The following ANKRD11 variants were observed in gnomAD, a reference collection of about 807,000 sequenced individuals.
ANKRD11 encodes the protein ankyrin repeat domain 11, also known as ankyrin repeat domain-containing protein 11.
In ANKRD11, 17 loss-of-function variants were observed where a neutral mutation model predicts 195.7. That is an observed-to-expected ratio of 0.09 (90% confidence interval 0.06 to 0.13). The LOEUF (loss-of-function observed/expected upper bound fraction) is 0.13, where lower values mean the gene tolerates loss of function less well. Among genes scored for constraint, ANKRD11 ranks in the 10% least tolerant of loss-of-function variants. The pLI is 1.00. For synonymous variants in ANKRD11, 1,953 were observed against 1,528.1 expected (o/e 1.28, Z -6.49); for missense variants, 3,735 against 3,566.1 (o/e 1.05, Z -1.21).
At chr16:89,462,989 G>A (rs1258516440) in intron 1 of ANKRD11, among the ~76,000 whole-genome samples, 7 of 151,084 alleles carry the variant, frequency 4.6e-5, no homozygotes, top group Admixed American at 1.3e-4. Context: ...CGCCCCGTCC[G>A]GGAGGGAGGT....
At chr16:89,331,496 T>G (rs1045747002) in intron 2 of ANKRD11, among the ~76,000 whole-genome samples, 12 of 152,230 alleles carry the variant, frequency 7.9e-5, no homozygotes, top group African/African-American at 2.2e-4. Context: ...AGACCCTGTT[T>G]GGAAACCAGT....
At chr16:89,368,772 G>A (rs1459016095) in intron 2 of ANKRD11, among the ~76,000 whole-genome samples, 1 of 152,030 alleles carries the variant, frequency 6.6e-6, no homozygotes, top group Non-Finnish European at 1.5e-5. Context: ...CAGGTGTGGT[G>A]GTGCACGCCT....
intron 1 of ANKRD11, among the ~76,000 whole-genome samples, chr16:89,449,793 C>CA (rs528202424): frequency 2.0e-5 from 3 of 151,704 alleles, no homozygotes; most frequent in Non-Finnish European, 2.9e-5. Context: ...AACTCCATCT[C>CA]AAAAAAAAGA....
chr16:89,315,556 T>A (rs533866846), intron 3 of ANKRD11, among the ~76,000 whole-genome samples: 19 of 152,286 alleles, frequency 1.2e-4, no homozygotes, highest in Non-Finnish European at 7.4e-5. Flanking sequence ...GCCTGTGAGC[T>A]CGGCGGTGTG....
intron 3 of ANKRD11, among the ~76,000 whole-genome samples, chr16:89,307,353 C>A (rs745991797): frequency 2.6e-5 from 4 of 152,168 alleles, no homozygotes; most frequent in South Asian, 2.1e-4. Flanking sequence ...TGCATCCACC[C>A]AACCTGCATC....
chr16:89,396,363 C>T (rs4785666), intron 2 of ANKRD11, among the ~76,000 whole-genome samples: 13 of 151,928 alleles, frequency 8.6e-5, no homozygotes, highest in Non-Finnish European at 1.9e-4. Context: ...CCCACACACA[C>T]GCGACGGAGC....
intron 1 of ANKRD11, among the ~76,000 whole-genome samples, chr16:89,439,068 A>G (rs1013545829): frequency 8.6e-5 from 13 of 152,018 alleles, no homozygotes; most frequent in African/African-American, 3.1e-4. Flanking sequence ...AAAAAAAAGA[A>G]CTGTATTCTT....
intron 4 of ANKRD11, among the ~76,000 whole-genome samples, chr16:89,302,182 CGT>C (rs760597726): frequency 7.2e-5 from 11 of 152,194 alleles, no homozygotes; most frequent in Non-Finnish European, 1.3e-4. Flanking sequence ...GGGGACGCGG[CGT>C]GTGTGAGAGC....
intron 1 of ANKRD11, among the ~76,000 whole-genome samples, chr16:89,437,478 G>T (rs1428458329): frequency 6.6e-6 from 1 of 151,782 alleles, no homozygotes; most frequent in African/African-American, 2.4e-5. Flanking sequence ...GCTCTTCTGT[G>T]CCTCCCACTC....
chr16:89,283,366 T>C lies in ANKRD11; in HGVS notation c.3176A>G (p.Lys1059Arg). ...TTTATGTTTTTCCTTGGTATCTTTT[T>C]TCTCTTTAAAACATTTATCAAATTC... Reference protein sequence around the residue: ...DKEFDKCFKEKKDTKEKHKDT... With the variant: ...DKEFDKCFKERKDTKEKHKDT... The change falls in exon 9 of 13, where the codon AAA (lysine) becomes AGA (arginine). Residue 1059 changes from lysine (K) to arginine (R), a missense_variant. Coordinates refer to ENST00000301030, the MANE Select transcript of ANKRD11 (RefSeq NM_013275.6). This position sits in a 1 kb window ranked among gnomAD's most constrained non-coding sequence, Gnocchi z 4.3. 6.2e-7 allele frequency: 1 copy of C among 1,613,886 alleles called. No homozygotes were observed. The highest frequency in any genetic ancestry group is 8.5e-7 in the Non-Finnish European group (1 of 1,180,036).
At chr16:89,301,856 A>G (rs1197937862) in intron 4 of ANKRD11, among the ~76,000 whole-genome samples, 1 of 152,082 alleles carries the variant, frequency 6.6e-6, no homozygotes, top group East Asian at 1.9e-4. Flanking sequence ...GGCAGGGCCG[A>G]CTCAACCCTG....
At chr16:89,338,591 G>A (rs978547229) in intron 2 of ANKRD11, among the ~76,000 whole-genome samples, 1 of 151,774 alleles carries the variant, frequency 6.6e-6, no homozygotes, top group Non-Finnish European at 1.5e-5. Context: ...TGGGCGTGGT[G>A]GCATGCAACT....
At chr16:89,366,657 C>T (rs180992944) in intron 2 of ANKRD11, among the ~76,000 whole-genome samples, 2 of 152,312 alleles carry the variant, frequency 1.3e-5, no homozygotes, top group Non-Finnish European at 2.9e-5. Flanking sequence ...TTTCCTGTAT[C>T]TGTCATGAGG....
At chr16:89,447,758 T>C (rs1025711424) in intron 1 of ANKRD11, among the ~76,000 whole-genome samples, 10 of 150,688 alleles carry the variant, frequency 6.6e-5, no homozygotes, top group Non-Finnish European at 1.3e-4. Context: ...ATTTATTACA[T>C]GTACCAGCAT....
intron 1 of ANKRD11, among the ~76,000 whole-genome samples, chr16:89,479,310 T>C (rs1597540869): frequency 6.6e-6 from 1 of 151,472 alleles, no homozygotes; most frequent in African/African-American, 2.4e-5. Flanking sequence ...AAAGTTTGCC[T>C]CCTAGATAAA....
At chr16:89,381,368 CAAGCAAGAGTTCAGACTATTAG>C (rs2040647328) in intron 2 of ANKRD11, among the ~76,000 whole-genome samples, 1 of 138,078 alleles carries the variant, frequency 7.2e-6, no homozygotes, top group African/African-American at 2.8e-5. Flanking sequence ...GTGAGAAGGG[CAAGCAAGAGTTCAGACTATTAG>C]AAGCAAGACA....
chr16:89,483,581 C>A (rs1018133918), intron 1 of ANKRD11, among the ~76,000 whole-genome samples: 1 of 152,200 alleles, frequency 6.6e-6, no homozygotes, highest in Non-Finnish European at 1.5e-5. Context: ...GTAATCCCAG[C>A]CCTTTGGGAG....
intron 9 of ANKRD11, chr16:89,278,596 C>T (rs1288617454): frequency 6.6e-6 from 3 of 457,804 alleles, no homozygotes; most frequent in Non-Finnish European, 1.3e-5. Flanking sequence ...TGCAGCTCTG[C>T]TGTCCCAGAA....
chr16:89,394,119 G>A (rs1221250772), intron 2 of ANKRD11, among the ~76,000 whole-genome samples: 1 of 152,112 alleles, frequency 6.6e-6, no homozygotes, highest in Non-Finnish European at 1.5e-5. Flanking sequence ...CAGGTTCCAG[G>A]CAGGCTTCCC....
Sources: allele counts gnomAD v4.1 joint callset (sites outside exome capture counted in the v4.1 genomes callset), GRCh38; gene constraint gnomAD v4.1.1; non-coding constraint Gnocchi (gnomAD v3.1); transcripts MANE v1.5; gene names NCBI Gene and HGNC (gene_info 2026-07-23, HGNC 2026-07-21).